Variants in NFASC observed in about 807,000 individuals in gnomAD.
NFASC encodes neurofascin homolog.
NFASC carries 43 observed loss-of-function variants against 147.5 expected under a neutral mutation model. That is an observed-to-expected ratio of 0.29 (90% CI 0.23 to 0.38). The LOEUF (loss-of-function observed/expected upper bound fraction) is 0.38, where lower values mean the gene tolerates loss of function less well. Ranked by LOEUF, NFASC falls within the 10% of genes least tolerant of loss-of-function variation. The pLI, the probability that NFASC is intolerant of heterozygous loss-of-function variation, is 1.00. For synonymous variants in NFASC, 622 were observed against 665.5 expected, an observed-to-expected ratio of 0.93 and a Z score of 1.01; for missense variants, 1,320 against 1,689.0, an observed-to-expected ratio of 0.78 and a Z score of 3.83.
rs879640352 is a variant in NFASC at position 205,021,600 on chromosome 1, G to A, written c.*5061G>A. ...CACATAGCTGGTAAACTAAGGTAAG[G>A]TTAGGGCTTGAACTTGGGCCTTCTG... is the stretch of plus-strand genomic sequence containing the variant. On this transcript the variant is annotated 3_prime_UTR_variant, in exon 30 of 30. Coordinates refer to ENST00000339876, the MANE Select transcript of NFASC (RefSeq NM_001005388.3). 6.5e-6 allele frequency: 1 copy of A among 153,328 alleles called. No homozygotes were observed. 9.5% of individuals were successfully genotyped at this position (153,328 alleles called of 1,614,324 possible).
At chr1:204,974,077 G>A in intron 12 of NFASC, 102 bp from the exon 13 acceptor site, 1 of 875,512 alleles carries the variant, frequency 1.1e-6, no homozygotes, top group Non-Finnish European at 1.8e-6. Flanking sequence ...CTCAGTGCCT[G>A]GGAAGCTGCT....
intron 1 of NFASC, among the ~76,000 whole-genome samples, chr1:204,900,860 G>A (rs1353846852): frequency 6.6e-6 from 1 of 151,870 alleles, no homozygotes; most frequent in Non-Finnish European, 1.5e-5. Context: ...TTTTCAAAGT[G>A]GAAATGGGGT....
rs781628132 is a variant in NFASC at position 205,016,292 on chromosome 1, G to C, written c.3492-16G>C. ...CATCTCACCCCACCTGAGATTCTCT[G>C]TCTCTCTTTGGCCAGTGATGAGGAC... is the stretch of plus-strand genomic sequence containing the variant. On this transcript the variant is annotated splice_polypyrimidine_tract_variant and intron_variant, in intron 29 of 29. Transcript: ENST00000339876. The surrounding 1 kb of genome is among the most constrained non-coding windows in gnomAD (Gnocchi z 5.1). 1.3e-6 allele frequency: 2 copies of C among 1,580,930 alleles called. No individual in the cohort carries two copies. The highest frequency in any genetic ancestry group is 8.7e-7 in the Non-Finnish European group (1 of 1,150,102).
At position 205,016,830 on chromosome 1, in the gene NFASC, C is replaced by T. The variant is rs1574573733; in HGVS notation, c.*291C>T. On this transcript the variant is annotated 3_prime_UTR_variant, in exon 30 of 30. Transcript: ENST00000339876. The surrounding 1 kb of genome is among the most constrained non-coding windows in gnomAD (Gnocchi z 5.1). ...GGTCTCGCAGCCACCCCGAGCGTTC[C>T]ACCACACTGTCCGCCCTTGGCCTCG... The T allele has an allele frequency of 1.2e-5, 6 of 495,006 alleles. No homozygotes were observed. Among genetic ancestry groups the T allele is most frequent in the Non-Finnish European group, 1.9e-5 (5 of 267,508 alleles). 30.7% of individuals were successfully genotyped at this position (495,006 alleles called of 1,614,324 possible). A position where few individuals can be genotyped will look rare whatever the true frequency, so the allele number is the denominator to read the frequency against.
In NFASC at chr1:204,991,690, C is replaced by G. The variant is rs184493411; in HGVS notation, c.2782+384C>G. On this transcript the variant is annotated intron_variant, in intron 24 of 29. Coordinates refer to ENST00000339876, the MANE Select transcript of NFASC (RefSeq NM_001005388.3). ...CAGAGCAGTGTCCCCAGCTGTGGCC[C>G]TAGAAGGCGCGCTGCAGCAGGAGCA... 6.0e-3 allele frequency among the ~76,000 whole-genome samples: 911 copies of G among 152,348 alleles called. 2 individuals carry two copies. The highest frequency in any genetic ancestry group is 8.4e-3 in the Non-Finnish European group (572 of 68,018).
intron 21 of NFASC, among the ~76,000 whole-genome samples, chr1:204,982,515 A>G (rs2095528572): frequency 6.6e-6 from 1 of 152,196 alleles, no homozygotes; most frequent in African/African-American, 2.4e-5. Context: ...CTCCTCAGCA[A>G]CCAGACAGGA....
chr1:204,856,515 G>C (rs1248784942), intron 1 of NFASC, among the ~76,000 whole-genome samples: 3 of 151,936 alleles, frequency 2.0e-5, no homozygotes, highest in Admixed American at 6.6e-5. Flanking sequence ...AAGTTATTGA[G>C]GTAAAATTTG....
chr1:205,014,711 C>T (rs181454607), intron 29 of NFASC, among the ~76,000 whole-genome samples: 11 of 152,300 alleles, frequency 7.2e-5, no homozygotes, highest in African/African-American at 1.2e-4. Flanking sequence ...TCTCTTCCCC[C>T]GCCCCTTCCA....
At chr1:204,846,200 C>CA (rs60005710) in intron 1 of NFASC, among the ~76,000 whole-genome samples, 26,464 of 109,610 alleles carry the variant, frequency 0.24, 3,385 homozygotes, top group East Asian at 0.57. Context: ...CCTGTCTATA[C>CA]AAAAAAAAAA....
At chr1:204,869,689 A>G (rs1443362500) in intron 1 of NFASC, among the ~76,000 whole-genome samples, 1 of 152,180 alleles carries the variant, frequency 6.6e-6, no homozygotes, top group Non-Finnish European at 1.5e-5. Flanking sequence ...CGCCTGCACT[A>G]AGTAACTTGC....
intron 1 of NFASC, among the ~76,000 whole-genome samples, chr1:204,877,092 T>A (rs1203151795): frequency 1.5e-5 from 2 of 135,746 alleles, no homozygotes; most frequent in African/African-American, 5.5e-5. Flanking sequence ...TATATTTATT[T>A]ATATATTTAT....
rs558115885 is a variant in NFASC, at chr1:204,975,619, C to A, written c.1706+201C>A. Among the ~76,000 whole-genome samples, 3 of 150,436 alleles carry A rather than the reference C, an allele frequency of 2.0e-5. No individual in the cohort carries two copies. Among genetic ancestry groups the A allele is most frequent in the Admixed American group, 2.0e-4 (3 of 15,184 alleles). On this transcript the variant is annotated intron_variant, in intron 15 of 29. Transcript: ENST00000339876. This position sits in a 1 kb window ranked among gnomAD's most constrained non-coding sequence, Gnocchi z 4.0. ...CCCCCACCGACCCTGTACAACCTCCCTCTCTCCCACCAGCTCCCTGCTTCT... is the reference window on the plus strand; with the variant it reads ...CCCCCACCGACCCTGTACAACCTCCATCTCTCCCACCAGCTCCCTGCTTCT...
chr1:205,011,430 GA>G (rs1171746475), intron 28 of NFASC, among the ~76,000 whole-genome samples: 2 of 152,178 alleles, frequency 1.3e-5, no homozygotes, highest in African/African-American at 4.8e-5. Context: ...CTGAGTTAGG[GA>G]AAAGGCTGCC....
chr1:204,937,420 T>A (rs1332737142), intron 2 of NFASC, among the ~76,000 whole-genome samples: 1 of 152,176 alleles, frequency 6.6e-6, no homozygotes, highest in Non-Finnish European at 1.5e-5. Flanking sequence ...TACAGAGAAG[T>A]TTCACTGCCC....
At chr1:204,914,298 G>T (rs1345945189) in intron 1 of NFASC, among the ~76,000 whole-genome samples, 2 of 152,190 alleles carry the variant, frequency 1.3e-5, no homozygotes, top group Non-Finnish European at 2.9e-5. Flanking sequence ...GAGGGACCTG[G>T]TGGAGGTAAT....
At chr1:204,928,874 G>A (rs1189065971) in intron 2 of NFASC, among the ~76,000 whole-genome samples, 1 of 152,068 alleles carries the variant, frequency 6.6e-6, no homozygotes, top group African/African-American at 2.4e-5. Flanking sequence ...ATAACATGGC[G>A]CCTCATAAAG....
intron 2 of NFASC, among the ~76,000 whole-genome samples, chr1:204,924,395 A>T (rs188295412): frequency 6.6e-6 from 1 of 152,304 alleles, no homozygotes; most frequent in East Asian, 1.9e-4. Flanking sequence ...AAAAAATGCA[A>T]CCGGGGATGT....
intron 26 of NFASC, among the ~76,000 whole-genome samples, chr1:205,002,376 C>T (rs183729510): frequency 3.0e-4 from 45 of 152,298 alleles, no homozygotes; most frequent in African/African-American, 9.4e-4. Context: ...GGAGAGGGAA[C>T]GGTGTCCCCA....
chr1:204,847,301 A>T (rs1236220983), intron 1 of NFASC, among the ~76,000 whole-genome samples: 1 of 152,194 alleles, frequency 6.6e-6, no homozygotes, highest in Admixed American at 6.5e-5. Context: ...CTTTAAATAG[A>T]TACTATCTCA....
Sources: allele counts gnomAD v4.1 joint callset (sites outside exome capture counted in the v4.1 genomes callset), GRCh38; gene constraint gnomAD v4.1.1; non-coding constraint Gnocchi (gnomAD v3.1); transcripts MANE v1.5; gene names NCBI Gene and HGNC (gene_info 2026-07-23, HGNC 2026-07-21).